The following LAMA1 variants were observed in gnomAD, a reference collection of about 807,000 sequenced individuals.
LAMA1 encodes laminin subunit alpha-1.
Under a neutral mutation model 348.7 loss-of-function variants are expected in LAMA1, and 219 were observed. That is an observed-to-expected ratio of 0.63 (90% confidence interval 0.56 to 0.70). The LOEUF (loss-of-function observed/expected upper bound fraction) is 0.70, where lower values mean the gene tolerates loss of function less well. Ranked by LOEUF, LAMA1 falls within the 30% of genes least tolerant of loss-of-function variation. The pLI is 0.00. For synonymous variants in LAMA1, 1,487 were observed against 1,491.0 expected, an observed-to-expected ratio of 1.00 and a Z score of 0.06; for missense variants, 3,744 against 3,888.0, an observed-to-expected ratio of 0.96 and a Z score of 0.99.
chr18:6,960,994 T>G (rs984510990), intron 53 of LAMA1, among the ~76,000 whole-genome samples: 4 of 152,238 alleles, frequency 2.6e-5, no homozygotes, highest in African/African-American at 9.6e-5. Context: ...ATTAAGACAG[T>G]GTGCTAACAT....
At chr18:7,052,087 A>G (rs1030639499) in intron 3 of LAMA1, among the ~76,000 whole-genome samples, 1 of 152,186 alleles carries the variant, frequency 6.6e-6, no homozygotes, top group African/African-American at 2.4e-5. Context: ...ATATTATGAT[A>G]AAAAGAAATG....
intron 29 of LAMA1, among the ~76,000 whole-genome samples, chr18:7,006,575 T>C (rs1229927360): frequency 1.3e-5 from 2 of 152,168 alleles, no homozygotes; most frequent in African/African-American, 2.4e-5. Context: ...AAGATGGGGA[T>C]ACTGCCTGAG....
chr18:7,061,938 C>T (rs945295880), intron 3 of LAMA1, among the ~76,000 whole-genome samples: 10 of 152,184 alleles, frequency 6.6e-5, no homozygotes, highest in Non-Finnish European at 1.5e-5. Context: ...CAGCTGTCCC[C>T]GAGTTAGGCA....
intron 16 of LAMA1, among the ~76,000 whole-genome samples, chr18:7,027,880 T>G (rs596410): frequency 0.49 from 74,245 of 151,936 alleles, 20,565 homozygotes; most frequent in African/African-American, 0.76. Context: ...GAGGCAGAGG[T>G]TGCAGTGAGC....
intron 11 of LAMA1, among the ~76,000 whole-genome samples, 197 bp from the exon 12 acceptor site, chr18:7,037,948 A>G (rs1420479029): frequency 6.6e-6 from 1 of 152,128 alleles, no homozygotes; most frequent in Non-Finnish European, 1.5e-5. Flanking sequence ...GGACCTGAGA[A>G]CAAGTCTCAC....
intron 57 of LAMA1, chr18:6,953,592 A>C (rs2057560216): frequency 6.6e-6 from 1 of 152,188 alleles, no homozygotes; most frequent in Admixed American, 6.5e-5. Context: ...CCTGGGTTCG[A>C]ATCCCGGCTC....
At chr18:7,098,291 T>C (rs761000112) in intron 1 of LAMA1, among the ~76,000 whole-genome samples, 91 of 131,296 alleles carry the variant, frequency 6.9e-4, no homozygotes, top group Middle Eastern at 5.0e-3. Context: ...AAGTGAGGAG[T>C]GTCTCTGCCT....
chr18:7,031,878 T>C (rs2057970762), intron 16 of LAMA1, among the ~76,000 whole-genome samples, 188 bp downstream of exon 16: 1 of 101,236 alleles, frequency 9.9e-6, no homozygotes, highest in African/African-American at 4.3e-5. Context: ...GTAACTTTTT[T>C]CAAAAAAAAA....
intron 3 of LAMA1, among the ~76,000 whole-genome samples, chr18:7,054,448 C>T (rs1001734314): frequency 2.0e-5 from 3 of 152,092 alleles, no homozygotes; most frequent in African/African-American, 4.8e-5. Context: ...ACTTAGATTA[C>T]TAACTCAGGT....
At chr18:7,110,440 C>T (rs1005345934) in intron 1 of LAMA1, among the ~76,000 whole-genome samples, 13 of 152,130 alleles carry the variant, frequency 8.5e-5, no homozygotes, top group African/African-American at 2.2e-4. Flanking sequence ...GGAGAAAGAA[C>T]GAATTCCTTG....
At chr18:7,036,242 T>C (rs1033237748) in intron 12 of LAMA1, among the ~76,000 whole-genome samples, 154 bp from the exon 13 acceptor site, 15 of 152,174 alleles carry the variant, frequency 9.9e-5, no homozygotes, top group African/African-American at 3.6e-4. Flanking sequence ...TTAAAGGCAG[T>C]GAAAGGGGAG....
At position 6,948,516 on chromosome 18, in the gene LAMA1, A is replaced by G. The variant is rs778271183; in HGVS notation, c.8597T>C (p.Val2866Ala). The G allele has an allele frequency of 1.4e-5, 22 of 1,614,078 alleles. No homozygotes were observed. In the African/African-American group the frequency reaches 2.8e-4, roughly 21 times the overall value. The change falls in exon 60 of 63, where the codon GTT becomes GCT. Residue 2866 changes from valine (V) to alanine (A), a missense_variant. By Grantham distance (64) the Val-to-Ala change is moderately conservative. Transcript: ENST00000389658. Reference sequence around the variant, plus strand: ...GTCCTTGTCCAGCTGTTTGCTGTTAACCGTCACATCCCCAATGCAGGCAGG... The same window carrying G: ...GTCCTTGTCCAGCTGTTTGCTGTTAGCCGTCACATCCCCAATGCAGGCAGG... Reference protein sequence around the residue: ...SIPACIGDVTVNSKQLDKDSP... With the variant: ...SIPACIGDVTANSKQLDKDSP...
chr18:7,083,808 C>A (rs565549220), intron 1 of LAMA1, among the ~76,000 whole-genome samples: 17 of 152,148 alleles, frequency 1.1e-4, no homozygotes, highest in African/African-American at 4.1e-4. Flanking sequence ...CAATGGCTCA[C>A]GCCTGTAATC....
chr18:6,998,968 G>A (rs1159316171), intron 32 of LAMA1, among the ~76,000 whole-genome samples: 4 of 152,206 alleles, frequency 2.6e-5, no homozygotes, highest in Admixed American at 1.3e-4. Context: ...AGGAGGCGGA[G>A]GTTGCAATAA....
intron 1 of LAMA1, among the ~76,000 whole-genome samples, chr18:7,092,236 C>G (rs2058242178): frequency 6.6e-6 from 1 of 152,276 alleles, no homozygotes; most frequent in African/African-American, 2.4e-5. Flanking sequence ...AAGGCTATTC[C>G]TAGATTAAGG....
intron 41 of LAMA1, among the ~76,000 whole-genome samples, chr18:6,981,741 G>A (rs1273052923): frequency 1.3e-5 from 2 of 152,178 alleles, no homozygotes; most frequent in African/African-American, 4.8e-5. Flanking sequence ...AGGATCCAGT[G>A]TTAGACTCGG....
chr18:7,004,084 AC>A (rs1259140083), intron 29 of LAMA1, among the ~76,000 whole-genome samples: 2 of 152,172 alleles, frequency 1.3e-5, no homozygotes, highest in Non-Finnish European at 2.9e-5. Context: ...CTGACTTACG[AC>A]AGACTGTGGG....
chr18:6,948,253 C>A, intron 60 of LAMA1, 150 bp downstream of exon 60: 1 of 1,106,238 alleles, frequency 9.0e-7, no homozygotes. Flanking sequence ...CTTTTTACGC[C>A]AAGAAATTAG....
chr18:6,975,868 G>C, intron 45 of LAMA1, 69 bp downstream of exon 45: 1 of 1,594,592 alleles, frequency 6.3e-7, no homozygotes, highest in Non-Finnish European at 8.6e-7. Context: ...CGTCAAATAA[G>C]TGAAAATTCA....
Sources: gnomAD v4.1 joint callset for allele counts (sites outside exome capture counted in the v4.1 genomes callset) on GRCh38, gnomAD v4.1.1 for gene constraint, MANE v1.5 for transcripts, NCBI Gene and HGNC (gene_info 2026-07-23, HGNC 2026-07-21) for gene names.